AGBL4: variants seen among roughly 807,000 people sequenced by gnomAD.
AGBL4 encodes the protein AGBL carboxypeptidase 4, also known as cytosolic carboxypeptidase 6.
Under a neutral mutation model 66.4 loss-of-function variants are expected in AGBL4, and 58 were observed. The observed-to-expected ratio is 0.87, with a 90% CI of 0.71 to 1.09. The LOEUF (loss-of-function observed/expected upper bound fraction) is 1.09. Ranked by LOEUF, AGBL4 falls within the 50% of genes least tolerant of loss-of-function variation. AGBL4 has a pLI of 0.00. For missense variants in AGBL4, 579 were observed against 631.0 expected, an observed-to-expected ratio of 0.92 and a Z score of 0.88; for synonymous variants, 234 against 222.9, an observed-to-expected ratio of 1.05 and a Z score of -0.44.
intron 3 of AGBL4, among the ~76,000 whole-genome samples, chr1:49,258,015 G>T (rs1191422065): frequency 2.6e-5 from 4 of 152,128 alleles, no homozygotes; most frequent in South Asian, 2.1e-4. Context: ...GAAAATCCAC[G>T]GTTCTGCAGA....
At chr1:49,133,955 C>G (rs1351591901) in intron 4 of AGBL4, among the ~76,000 whole-genome samples, 1 of 151,712 alleles carries the variant, frequency 6.6e-6, no homozygotes. Flanking sequence ...ATCGGGCGAA[C>G]CAGCCCCCAA....
chr1:49,475,039 TTTTTGCCCATTCACTA>T (rs1192104867), intron 3 of AGBL4, among the ~76,000 whole-genome samples: 2 of 151,982 alleles, frequency 1.3e-5, no homozygotes, highest in Non-Finnish European at 2.9e-5. Flanking sequence ...ATGTTTCCAG[TTTTTGCCCATTCACTA>T]TGATATTGGC....
At chr1:48,829,468 C>G (rs894402057) in intron 6 of AGBL4, among the ~76,000 whole-genome samples, 1 of 152,156 alleles carries the variant, frequency 6.6e-6, no homozygotes, top group Non-Finnish European at 1.5e-5. Flanking sequence ...CATCATATAT[C>G]CCCCCATTAC....
chr1:48,528,406 G>T (rs1288197450), downstream of AGBL4, among the ~76,000 whole-genome samples: 1 of 152,112 alleles, frequency 6.6e-6, no homozygotes, highest in African/African-American at 2.4e-5. Context: ...TTGACATGGG[G>T]TCAGCTAAAA....
intron 6 of AGBL4, among the ~76,000 whole-genome samples, chr1:48,748,866 G>A (rs1490958801): frequency 6.6e-6 from 1 of 152,124 alleles, no homozygotes; most frequent in Admixed American, 6.5e-5. Flanking sequence ...TTTTCTGTGA[G>A]TGAGGGCAGG....
At chr1:49,428,009 A>G (rs1346209927) in intron 3 of AGBL4, among the ~76,000 whole-genome samples, 1 of 152,068 alleles carries the variant, frequency 6.6e-6, no homozygotes, top group African/African-American at 2.4e-5. Flanking sequence ...GTTTTTACAG[A>G]GTGCTGATTG....
intron 5 of AGBL4, among the ~76,000 whole-genome samples, chr1:49,023,532 A>G (rs1345118531): frequency 6.6e-6 from 1 of 152,184 alleles, no homozygotes; most frequent in Non-Finnish European, 1.5e-5. Flanking sequence ...GATTTCAAAT[A>G]TGGACTTTAC....
At chr1:49,596,268 A>G (rs1183597280) in intron 3 of AGBL4, among the ~76,000 whole-genome samples, 1 of 152,100 alleles carries the variant, frequency 6.6e-6, no homozygotes, top group African/African-American at 2.4e-5. Flanking sequence ...CATGGGTTCA[A>G]GCAATTCTCA....
intron 1 of AGBL4, among the ~76,000 whole-genome samples, chr1:50,000,143 A>G (rs1039897223): frequency 7.9e-5 from 12 of 152,152 alleles, no homozygotes; most frequent in African/African-American, 2.4e-4. Flanking sequence ...ACAACCCACA[A>G]AGTGAGAGAA....
chr1:49,812,299 GGT>G (rs1314678707), intron 2 of AGBL4, among the ~76,000 whole-genome samples: 1 of 152,102 alleles, frequency 6.6e-6, no homozygotes, highest in Non-Finnish European at 1.5e-5. Flanking sequence ...ATGCTTCCAA[GGT>G]GGAACGAAAG....
At chr1:49,176,164 G>A (rs1453318081) in intron 4 of AGBL4, among the ~76,000 whole-genome samples, 1 of 152,150 alleles carries the variant, frequency 6.6e-6, no homozygotes, top group Non-Finnish European at 1.5e-5. Context: ...TGATGACAAT[G>A]ATGATGGAAT....
chr1:49,302,200 A>C (rs1409665794), intron 3 of AGBL4, among the ~76,000 whole-genome samples: 1 of 152,124 alleles, frequency 6.6e-6, no homozygotes, highest in East Asian at 1.9e-4. Context: ...GTCATTAAAA[A>C]AAAAACTCTT....
At chr1:49,840,093 T>G (rs1023379523) in intron 2 of AGBL4, among the ~76,000 whole-genome samples, 1 of 152,170 alleles carries the variant, frequency 6.6e-6, no homozygotes, top group African/African-American at 2.4e-5. Flanking sequence ...TAAATATGTC[T>G]GGTCCAGGGT....
intron 6 of AGBL4, among the ~76,000 whole-genome samples, chr1:48,782,598 A>G (rs772163146): frequency 2.0e-5 from 3 of 152,028 alleles, no homozygotes; most frequent in Non-Finnish European, 4.4e-5. Context: ...TGCTTTTTAC[A>G]TTTTTGAAAG....
At chr1:49,987,876 G>T (rs1430175739) in intron 1 of AGBL4, among the ~76,000 whole-genome samples, 1 of 151,414 alleles carries the variant, frequency 6.6e-6, no homozygotes, top group African/African-American at 2.4e-5. Flanking sequence ...TGGAGAGCCA[G>T]AATTTGAACC....
At chr1:49,851,937 A>G (rs747123682) in intron 1 of AGBL4, among the ~76,000 whole-genome samples, 3 of 152,196 alleles carry the variant, frequency 2.0e-5, no homozygotes, top group Non-Finnish European at 4.4e-5. Flanking sequence ...CATATATTCA[A>G]TTGTTTAAAT....
chr1:49,144,318 G>A (rs1440289782), intron 4 of AGBL4, among the ~76,000 whole-genome samples: 1 of 152,086 alleles, frequency 6.6e-6, no homozygotes, highest in African/African-American at 2.4e-5. Context: ...TAGGGTGACT[G>A]AGTGAGCCCA....
chr1:49,469,945 C>T (rs1051072760), intron 3 of AGBL4: 4 of 151,924 alleles, frequency 2.6e-5, no homozygotes, highest in Non-Finnish European at 5.9e-5. Context: ...CTAACCCTGA[C>T]ACTTCCTAAT....
At chr1:48,737,279 G>A (rs1031700913) in intron 6 of AGBL4, among the ~76,000 whole-genome samples, 8 of 151,876 alleles carry the variant, frequency 5.3e-5, no homozygotes, top group African/African-American at 9.7e-5. Context: ...GCGAGACTCC[G>A]TCTCAAAAAG....
Sources: gnomAD v4.1 joint callset for allele counts (sites outside exome capture counted in the v4.1 genomes callset) on GRCh38, gnomAD v4.1.1 for gene constraint, MANE v1.5 for transcripts, NCBI Gene and HGNC (gene_info 2026-07-23, HGNC 2026-07-21) for gene names.